Variants in TRHDE observed in about 807,000 individuals in gnomAD.
TRHDE encodes the protein thyrotropin-releasing hormone-degrading ectoenzyme.
In TRHDE, 72 loss-of-function variants were observed where a neutral mutation model predicts 125.7. That is an observed-to-expected ratio of 0.57 (90% CI 0.47 to 0.70). TRHDE has a LOEUF of 0.70. TRHDE is among the 30% of genes least tolerant of loss of function. TRHDE has a pLI of 0.00. For missense variants in TRHDE, 1,110 were observed against 1,327.1 expected, an observed-to-expected ratio of 0.84 and a Z score of 2.54; for synonymous variants, 509 against 509.1, an observed-to-expected ratio of 1.00 and a Z score of 0.00.
Position 72,663,325 on chromosome 12 carries a change from T to C in TRHDE, c.*130T>C, listed in dbSNP as rs982613624. The C allele has an allele frequency of 1.5e-6, 1 of 653,982 alleles. No individual in the cohort carries two copies. Among genetic ancestry groups the C allele is most frequent in the African/African-American group, 1.9e-5 (1 of 52,930 alleles). 40.5% of individuals were successfully genotyped at this position (653,982 alleles called of 1,614,324 possible). On this transcript the variant is annotated 3_prime_UTR_variant, in exon 19 of 19. Coordinates refer to ENST00000261180, the MANE Select transcript of TRHDE (RefSeq NM_013381.3). Reference sequence around the variant, plus strand: ...GTGTTAACGTGTGGGAGGAATTTTTTTTTTAGTTTTTATTTTTTGGTTTTG... The same window carrying C: ...GTGTTAACGTGTGGGAGGAATTTTTCTTTTAGTTTTTATTTTTTGGTTTTG...
chr12:72,134,451 G>T (rs1875936422), intron 2 of TRHDE, among the ~76,000 whole-genome samples: 1 of 152,206 alleles, frequency 6.6e-6, no homozygotes, highest in Non-Finnish European at 1.5e-5. Flanking sequence ...CTTAGGGATA[G>T]AAGCAGATTT....
At chr12:72,511,884 T>G (rs1286551339) in intron 6 of TRHDE, among the ~76,000 whole-genome samples, 1 of 152,188 alleles carries the variant, frequency 6.6e-6, no homozygotes, top group Non-Finnish European at 1.5e-5. Flanking sequence ...TTAATAAAAA[T>G]AGGTAGCAGG....
intron 2 of TRHDE, among the ~76,000 whole-genome samples, chr12:72,233,528 T>C (rs978890747): frequency 6.6e-6 from 1 of 152,050 alleles, no homozygotes; most frequent in Non-Finnish European, 1.5e-5. Flanking sequence ...AGTATAATAA[T>C]AAGAAGCAAA....
chr12:72,288,146 G>T (rs1592521178), intron 2 of TRHDE, among the ~76,000 whole-genome samples: 1 of 152,198 alleles, frequency 6.6e-6, no homozygotes, highest in African/African-American at 2.4e-5. Context: ...GGAAAATTCA[G>T]ATTGTGATTC....
At chr12:72,240,714 C>T (rs543791773) in intron 2 of TRHDE, among the ~76,000 whole-genome samples, 15 of 151,988 alleles carry the variant, frequency 9.9e-5, no homozygotes, top group Non-Finnish European at 1.9e-4. Flanking sequence ...GGACTACAGG[C>T]GCCCACCACC....
intron 2 of TRHDE, chr12:72,255,522 C>T (rs896044573): frequency 1.8e-4 from 27 of 152,256 alleles, no homozygotes; most frequent in Admixed American, 1.8e-3. Context: ...TTCAGTTACA[C>T]CACAGCTGAG....
chr12:72,366,657 G>A (rs1871350845), intron 2 of TRHDE, among the ~76,000 whole-genome samples: 2 of 151,968 alleles, frequency 1.3e-5, no homozygotes, highest in African/African-American at 4.8e-5. Context: ...AAGTATAAGA[G>A]CCTATAAACC....
intron 2 of TRHDE, among the ~76,000 whole-genome samples, chr12:72,242,372 C>T (rs1878499403): frequency 6.6e-6 from 1 of 152,172 alleles, no homozygotes; most frequent in Admixed American, 6.5e-5. Context: ...ACTCCACGGC[C>T]AAGCCTCAAG....
At chr12:72,156,287 A>G (rs989768139) in intron 2 of TRHDE, among the ~76,000 whole-genome samples, 1 of 152,176 alleles carries the variant, frequency 6.6e-6, no homozygotes, top group African/African-American at 2.4e-5. Flanking sequence ...TCCAGGTGAC[A>G]TCTGTCACCC....
intron 12 of TRHDE, among the ~76,000 whole-genome samples, chr12:72,586,264 T>C (rs942260778): frequency 6.6e-6 from 1 of 152,186 alleles, no homozygotes; most frequent in African/African-American, 2.4e-5. Flanking sequence ...ATAAAGGAAA[T>C]CTAGTTCTAA....
intron 3 of TRHDE, among the ~76,000 whole-genome samples, chr12:72,464,838 C>G (rs569424587): frequency 6.6e-6 from 1 of 152,156 alleles, no homozygotes; most frequent in South Asian, 2.1e-4. Context: ...AATTATAGTG[C>G]ATTGAGGGTG....
chr12:72,364,236 G>A (rs1871249369), intron 2 of TRHDE, among the ~76,000 whole-genome samples: 1 of 152,032 alleles, frequency 6.6e-6, no homozygotes, highest in South Asian at 2.1e-4. Context: ...GGAGAGGTAT[G>A]AGAACTGATA....
At chr12:72,389,600 G>A (rs1238514372) in intron 3 of TRHDE, among the ~76,000 whole-genome samples, 3 of 152,100 alleles carry the variant, frequency 2.0e-5, no homozygotes, top group Non-Finnish European at 2.9e-5. Flanking sequence ...CAGTGTTCTC[G>A]CATGACAAAG....
intron 5 of TRHDE, among the ~76,000 whole-genome samples, chr12:72,485,080 C>T (rs1877340170): frequency 6.6e-6 from 1 of 152,128 alleles, no homozygotes; most frequent in South Asian, 2.1e-4. Context: ...TCAATCACCA[C>T]CATGGATGCT....
chr12:72,471,976 A>G (rs1876669790), intron 4 of TRHDE, among the ~76,000 whole-genome samples: 1 of 152,118 alleles, frequency 6.6e-6, no homozygotes, highest in African/African-American at 2.4e-5. Flanking sequence ...TCTTCACATT[A>G]AGGGTTAATT....
intron 2 of TRHDE, among the ~76,000 whole-genome samples, chr12:72,377,761 A>G (rs1328181171): frequency 2.0e-5 from 3 of 152,116 alleles, no homozygotes; most frequent in Non-Finnish European, 4.4e-5. Flanking sequence ...AAATCTTCTC[A>G]ATGTCATCTT....
chr12:72,310,239 A>G (rs1312477472), intron 2 of TRHDE, among the ~76,000 whole-genome samples: 2 of 152,142 alleles, frequency 1.3e-5, no homozygotes, highest in East Asian at 1.9e-4. Flanking sequence ...TATCCACCTC[A>G]TAGGGTTGTT....
chr12:72,164,225 A>C (rs964998052), intron 2 of TRHDE, among the ~76,000 whole-genome samples: 1 of 152,234 alleles, frequency 6.6e-6, no homozygotes, highest in African/African-American at 2.4e-5. Flanking sequence ...AAAGACAGAC[A>C]TGTTGCCATT....
intron 1 of TRHDE, among the ~76,000 whole-genome samples, chr12:72,092,129 T>C (rs1874806217): frequency 6.6e-6 from 1 of 152,196 alleles, no homozygotes; most frequent in Non-Finnish European, 1.5e-5. Flanking sequence ...GATCTTAGAA[T>C]AGCTAAAGCA....
Sources: allele counts gnomAD v4.1 joint callset (sites outside exome capture counted in the v4.1 genomes callset), GRCh38; gene constraint gnomAD v4.1.1; transcripts MANE v1.5; gene names NCBI Gene and HGNC (gene_info 2026-07-23, HGNC 2026-07-21).